DLG2: variants seen among roughly 807,000 people sequenced by gnomAD.
DLG2 encodes the protein disks large homolog 2.
A neutral mutation model predicts 132.5 loss-of-function variants in DLG2; 45 were observed. That is an observed-to-expected ratio of 0.34 (90% confidence interval 0.27 to 0.44). The LOEUF is 0.44. DLG2 is among the 20% of genes least tolerant of loss of function. The probability of loss-of-function intolerance (pLI) is 1.00; values close to 1 mark genes in which losing one functional copy is unlikely to be tolerated. For synonymous variants in DLG2, 424 were observed against 419.6 expected, an observed-to-expected ratio of 1.01 and a Z score of -0.13; for missense variants, 1,045 against 1,196.9, an observed-to-expected ratio of 0.87 and a Z score of 1.87.
At chr11:84,844,084 TG>T (rs2081083986) in intron 6 of DLG2, among the ~76,000 whole-genome samples, 1 of 84,044 alleles carries the variant, frequency 1.2e-5, no homozygotes, top group Non-Finnish European at 2.8e-5. Flanking sequence ...TGTGTGTGTG[TG>T]TATATATATA....
intron 6 of DLG2, among the ~76,000 whole-genome samples, chr11:84,732,826 T>C (rs936719827): frequency 7.0e-6 from 1 of 142,216 alleles, no homozygotes; most frequent in African/African-American, 2.5e-5. Context: ...GTGTGTGATG[T>C]TCCCCTTCCT....
intron 6 of DLG2, among the ~76,000 whole-genome samples, chr11:84,608,587 C>T (rs539707023): frequency 4.0e-4 from 61 of 152,236 alleles, no homozygotes; most frequent in African/African-American, 1.4e-3. Context: ...GCTGATTCTT[C>T]CCTTGAAAAC....
chr11:85,096,813 G>A (rs952037902), intron 6 of DLG2, among the ~76,000 whole-genome samples: 5 of 151,988 alleles, frequency 3.3e-5, no homozygotes, highest in African/African-American at 9.7e-5. Flanking sequence ...GACACCTGTC[G>A]ACCAGTTAAA....
chr11:85,516,962 CAT>C (rs960295953), intron 3 of DLG2, among the ~76,000 whole-genome samples: 2 of 151,478 alleles, frequency 1.3e-5, no homozygotes, highest in African/African-American at 2.4e-5. Flanking sequence ...CAGGCAAAAA[CAT>C]AACAAAAAAA....
intron 3 of DLG2, among the ~76,000 whole-genome samples, chr11:85,517,996 C>T (rs960634192): frequency 6.6e-6 from 1 of 152,144 alleles, no homozygotes; most frequent in African/African-American, 2.4e-5. Flanking sequence ...CTCCTCCTTG[C>T]CTTACACCAC....
At chr11:84,909,966 T>C (rs2091908272) in intron 6 of DLG2, among the ~76,000 whole-genome samples, 1 of 152,188 alleles carries the variant, frequency 6.6e-6, no homozygotes, top group Non-Finnish European at 1.5e-5. Flanking sequence ...TGGCTTTGTT[T>C]AGCCCTGAAG....
In DLG2 at chr11:83,499,374, A is replaced by T. The variant is rs1037504391; in HGVS notation, c.2194-15146T>A. 5.3e-5 allele frequency among the ~76,000 whole-genome samples: 8 copies of T among 152,174 alleles called. No homozygotes were observed. In the East Asian group the frequency reaches 1.5e-3, roughly 29 times the overall value. ...TTGTTTTCCATTTTCTTTGTAGTCTATATTGCAATGAATATACCATTCAGT... is the reference window on the plus strand; with the variant it reads ...TTGTTTTCCATTTTCTTTGTAGTCTTTATTGCAATGAATATACCATTCAGT... On this transcript the variant is annotated intron_variant, in intron 21 of 27. Transcript: ENST00000376104.
chr11:85,081,625 C>G (rs1317964555), intron 6 of DLG2, among the ~76,000 whole-genome samples: 1 of 152,130 alleles, frequency 6.6e-6, no homozygotes, highest in African/African-American at 2.4e-5. Context: ...AGGGTGGAGA[C>G]AGGTGGTGGC....
chr11:84,554,012 T>G (rs1484779946), intron 6 of DLG2, among the ~76,000 whole-genome samples: 1 of 152,200 alleles, frequency 6.6e-6, no homozygotes, highest in Non-Finnish European at 1.5e-5. Context: ...GAAGAGTTAG[T>G]GCACATTCTC....
At chr11:83,501,311 T>G (rs1591957746) in intron 21 of DLG2, among the ~76,000 whole-genome samples, 1 of 151,718 alleles carries the variant, frequency 6.6e-6, no homozygotes, top group Admixed American at 6.6e-5. Context: ...CCACAGTAGG[T>G]TACAGGAGCA....
intron 6 of DLG2, among the ~76,000 whole-genome samples, chr11:85,016,368 C>T (rs1469136197): frequency 6.6e-6 from 1 of 152,142 alleles, no homozygotes; most frequent in African/African-American, 2.4e-5. Flanking sequence ...CCTTTAACCT[C>T]ACAGTGATAT....
intron 3 of DLG2, among the ~76,000 whole-genome samples, chr11:85,511,618 T>G (rs1218851056): frequency 1.3e-5 from 2 of 152,096 alleles, no homozygotes; most frequent in Non-Finnish European, 1.5e-5. Context: ...ACTATGCATG[T>G]CTTGGAAATT....
At chr11:83,569,831 C>T (rs1203737371) in intron 19 of DLG2, among the ~76,000 whole-genome samples, 1 of 152,218 alleles carries the variant, frequency 6.6e-6, no homozygotes, top group Non-Finnish European at 1.5e-5. Context: ...TGGAGAGACT[C>T]AGCAAGCCAG....
intron 4 of DLG2, among the ~76,000 whole-genome samples, chr11:85,176,019 G>A (rs185704722): frequency 6.6e-5 from 10 of 152,170 alleles, no homozygotes; most frequent in Admixed American, 5.2e-4. Flanking sequence ...AATCAATATC[G>A]TGAAAATGGC....
rs554967314 is a variant in DLG2 at position 84,599,102 on chromosome 11, G to A, written c.358-64371C>T. 2.8e-4 allele frequency among the ~76,000 whole-genome samples: 43 copies of A among 152,138 alleles called. 1 individual carries two copies. The highest frequency in any genetic ancestry group is 2.7e-3 in the South Asian group (13 of 4,810). On this transcript the variant is annotated intron_variant, in intron 6 of 27. Transcript: ENST00000376104. ...TCTACTAAAAATACAAAATTTAGCCGGGCATGATGGTGCATGCCTGTAATT... is the reference window on the plus strand; with the variant it reads ...TCTACTAAAAATACAAAATTTAGCCAGGCATGATGGTGCATGCCTGTAATT...
chr11:84,529,221 T>G (rs1313805831), intron 7 of DLG2, among the ~76,000 whole-genome samples: 1 of 152,210 alleles, frequency 6.6e-6, no homozygotes, highest in African/African-American at 2.4e-5. Context: ...GCATTCCCCT[T>G]GAAAACCAGA....
chr11:83,792,993 A>C (rs2041970515), intron 17 of DLG2, among the ~76,000 whole-genome samples: 1 of 152,162 alleles, frequency 6.6e-6, no homozygotes, highest in Non-Finnish European at 1.5e-5. Flanking sequence ...ATAGGTAAAC[A>C]ATTTTATTTT....
intron 7 of DLG2, among the ~76,000 whole-genome samples, chr11:84,456,340 T>G (rs186355185): frequency 2.4e-4 from 37 of 151,434 alleles, no homozygotes; most frequent in African/African-American, 7.7e-4. Context: ...CTTGTGTTTC[T>G]TTTTCTACAA....
At chr11:84,446,627 T>C (rs1048488630) in intron 7 of DLG2, among the ~76,000 whole-genome samples, 1 of 151,834 alleles carries the variant, frequency 6.6e-6, no homozygotes, top group African/African-American at 2.4e-5. Context: ...TTAAATTTAC[T>C]CTTTTTTTTT....
Sources: gnomAD v4.1 joint callset for allele counts (sites outside exome capture counted in the v4.1 genomes callset) on GRCh38, gnomAD v4.1.1 for gene constraint, MANE v1.5 for transcripts, NCBI Gene and HGNC (gene_info 2026-07-23, HGNC 2026-07-21) for gene names.